Variants in CEP295NL observed in about 807,000 individuals in gnomAD.
CEP295NL encodes CEP295 N-terminal like, also known as protein DDC8 homolog.
In CEP295NL, 3 loss-of-function variants were observed where a neutral mutation model predicts 4.6. That is an observed-to-expected ratio of 0.65 (90% confidence interval 0.30 to 1.69). CEP295NL has a LOEUF of 1.69. CEP295NL is among the 40% of genes most tolerant of loss of function. CEP295NL has a pLI of 0.10. For missense variants in CEP295NL, 719 were observed against 769.0 expected (o/e 0.93, Z 0.77); for synonymous variants, 295 against 312.2 (o/e 0.94, Z 0.58).
Position 78,891,876 on chromosome 17 carries a change from T to C in CEP295NL, c.628A>G (p.Thr210Ala), listed in dbSNP as rs1425891496. 1 of 1,550,672 alleles carries C rather than the reference T, an allele frequency of 6.4e-7. No individual in the cohort carries two copies. ...SPEKPQTTKATGRMNSHLAPP... is the reference protein window; with the variant it reads ...SPEKPQTTKAAGRMNSHLAPP... ...GCCAGGTGAGAATTCATCCGACCCG[T>C]GGCTTTTGTAGTCTGTGGTTTCTCT... Residue 210 changes from threonine (T) to alanine (A), a missense_variant, in exon 3 of 3, where the codon ACG becomes GCG. Transcript: ENST00000322630. The surrounding 1 kb of genome is among the most constrained non-coding windows in gnomAD (Gnocchi z 4.5).
At chr17:78,902,541 A>T (rs1039871013) in intron 1 of CEP295NL, 1 of 152,468 alleles carries the variant, frequency 6.6e-6, no homozygotes, top group African/African-American at 2.4e-5. Context: ...ATCTGTGTGT[A>T]TCCATATCCT....
intron 2 of CEP295NL, chr17:78,897,082 G>T (rs1007752584): frequency 1.2e-6 from 1 of 816,642 alleles, no homozygotes; most frequent in Non-Finnish European, 1.5e-6. Context: ...AAGTGCCAGG[G>T]CCCACAGACA....
In CEP295NL at chr17:78,901,866, C is replaced by G; in HGVS notation, c.-38G>C. ...GAAGCTGACAGGAGGGCAGGAAGCA[C>G]TGTCTCCAGGGCTGTCTTGAAATCA... is the stretch of plus-strand genomic sequence containing the variant. On this transcript the variant is annotated 5_prime_UTR_variant, in exon 2 of 3. Transcript: ENST00000322630. The G allele has an allele frequency of 1.4e-6, 1 of 699,962 alleles. No homozygotes were observed. Among genetic ancestry groups the G allele is most frequent in the Non-Finnish European group, 2.7e-6 (1 of 374,904 alleles). 43.4% of individuals were successfully genotyped at this position (699,962 alleles called of 1,614,324 possible). A position where few individuals can be genotyped will look rare whatever the true frequency, so the allele number is the denominator to read the frequency against.
At chr17:78,893,258 CAGGGGTGTGTGTGT>C (rs1161162932) in intron 2 of CEP295NL, among the ~76,000 whole-genome samples, 2 of 109,730 alleles carry the variant, frequency 1.8e-5, no homozygotes, top group Non-Finnish European at 3.7e-5. Flanking sequence ...AGTGTGTGTG[CAGGGGTGTGTGTGT>C]AGGGGTGTGC....
Position 78,896,542 on chromosome 17 carries a change from C to A in CEP295NL, c.45-4083G>T, listed in dbSNP as rs2070002607. 6.6e-6 allele frequency among the ~76,000 whole-genome samples: 1 copy of A among 152,170 alleles called. No homozygotes were observed. Among genetic ancestry groups the A allele is most frequent in the Admixed American group, 6.5e-5 (1 of 15,280 alleles). ...TCTAGAAGGGGCAGGGGTCCTGGCG[C>A]TCCTCTGTCCTCCACATCCTCTGAG... On this transcript the variant is annotated intron_variant, in intron 2 of 2. Transcript: ENST00000322630. This position sits in a 1 kb window ranked among gnomAD's most constrained non-coding sequence, Gnocchi z 4.4.
At chr17:78,893,114 T>C (rs2069928567) in intron 2 of CEP295NL, among the ~76,000 whole-genome samples, 1 of 148,246 alleles carries the variant, frequency 6.7e-6, no homozygotes, top group Non-Finnish European at 1.5e-5. Flanking sequence ...TGTGTGCACA[T>C]GCACATGTGT....
chr17:78,901,458 A>G (rs60008520), intron 2 of CEP295NL, among the ~76,000 whole-genome samples: 7,093 of 152,114 alleles, frequency 0.047, 343 homozygotes, highest in African/African-American at 0.13. Context: ...GGCGGTAAGG[A>G]CGGGGAGAAG....
rs1011091870 is a variant in CEP295NL, at chr17:78,891,976, T to C, written c.528A>G (p.Glu176=). 6.4e-7 allele frequency: 1 copy of C among 1,550,552 alleles called. No homozygotes were observed. The highest frequency in any genetic ancestry group is 1.4e-5 in the African/African-American group (1 of 73,034). Residue 176 remains glutamate, a synonymous_variant, in exon 3 of 3, where the codon GAA becomes GAG. Transcript: ENST00000322630. This position sits in a 1 kb window ranked among gnomAD's most constrained non-coding sequence, Gnocchi z 4.5. ...AKEKHRAALS[E]ERSCREELGQ... ...CCAACTCTTCCCTGCAACTCCTCTCTTCACTAAGGGCTGCTCTATGCTTCT... is the reference window on the plus strand; with the variant it reads ...CCAACTCTTCCCTGCAACTCCTCTCCTCACTAAGGGCTGCTCTATGCTTCT...
intron 2 of CEP295NL, among the ~76,000 whole-genome samples, chr17:78,895,866 C>T (rs187349051): frequency 9.9e-4 from 151 of 152,252 alleles, no homozygotes; most frequent in African/African-American, 3.5e-3. Flanking sequence ...TGCCAAGAGC[C>T]GTTGGCTCAC....
intron 2 of CEP295NL, among the ~76,000 whole-genome samples, chr17:78,894,645 A>T (rs1341506708): frequency 6.6e-6 from 1 of 152,200 alleles, no homozygotes; most frequent in African/African-American, 2.4e-5. Context: ...CACCCTATAT[A>T]CAAAAATTAA....
chr17:78,895,714 G>C (rs1343015098), intron 2 of CEP295NL, among the ~76,000 whole-genome samples: 1 of 152,318 alleles, frequency 6.6e-6, no homozygotes, highest in South Asian at 2.1e-4. Context: ...TCACATGGAG[G>C]AGTTGGCCTC....
chr17:78,893,936 G>A (rs2069958754), intron 2 of CEP295NL, among the ~76,000 whole-genome samples: 1 of 152,162 alleles, frequency 6.6e-6, no homozygotes, highest in Non-Finnish European at 1.5e-5. Context: ...TGAGCTGCAG[G>A]AAAGGCTAAG....
chr17:78,902,360 G>A lies in CEP295NL; in HGVS notation c.-98-434C>T, dbSNP rs188479632. Among the ~76,000 whole-genome samples, 250 of 152,284 alleles carry A rather than the reference G, an allele frequency of 1.6e-3. 2 individuals are homozygous for A. The highest frequency in any genetic ancestry group is 5.7e-3 in the African/African-American group (237 of 41,568). ...TGACCTCAGGTGATCCACTCGCCTC[G>A]GCCTCCCAAAGTGCTGGGATTCCAG... On this transcript the variant is annotated intron_variant, in intron 1 of 2. Coordinates refer to ENST00000322630, the MANE Select transcript of CEP295NL (RefSeq NM_001243540.2).
chr17:78,902,100 G>A (rs4789935), intron 1 of CEP295NL, among the ~76,000 whole-genome samples, 174 bp from the exon 2 acceptor site: 73,166 of 151,718 alleles, frequency 0.48, 18,383 homozygotes, highest in African/African-American at 0.63. Context: ...GTGGCGGGGG[G>A]ACGGGGGTCC....
In CEP295NL at chr17:78,896,676, C is replaced by G. The variant is rs1028234248; in HGVS notation, c.45-4217G>C. On this transcript the variant is annotated intron_variant, in intron 2 of 2. Coordinates refer to ENST00000322630, the MANE Select transcript of CEP295NL (RefSeq NM_001243540.2). This position sits in a 1 kb window ranked among gnomAD's most constrained non-coding sequence, Gnocchi z 4.4. ...CTTCTGCTGGCTGCCTTCAACCACT[C>G]AGAGAAACCACAGCTCCCCCCTCCG... 1.3e-5 allele frequency among the ~76,000 whole-genome samples: 2 copies of G among 152,156 alleles called. No homozygotes were observed. Among genetic ancestry groups the G allele is most frequent in the African/African-American group, 4.8e-5 (2 of 41,434 alleles).
At chr17:78,902,126 G>A (rs900789558) in intron 1 of CEP295NL, among the ~76,000 whole-genome samples, 200 bp from the exon 2 acceptor site, 1 of 152,176 alleles carries the variant, frequency 6.6e-6, no homozygotes, top group Non-Finnish European at 1.5e-5. Flanking sequence ...CACTGCACTG[G>A]GTTTTGGTTT....
Position 78,891,879 on chromosome 17 carries a change from C to T in CEP295NL, c.625G>A (p.Ala209Thr), listed in dbSNP as rs180840662. ...AGGTGAGAATTCATCCGACCCGTGG[C>T]TTTTGTAGTCTGTGGTTTCTCTGGA... ...ASPEKPQTTK[A>T]TGRMNSHLAP... The change falls in exon 3 of 3, where the codon GCC becomes ACC. Residue 209 changes from alanine (A) to threonine (T), a missense_variant. By Grantham distance (58) the Ala-to-Thr change is moderately conservative. Transcript: ENST00000322630. The surrounding 1 kb of genome is among the most constrained non-coding windows in gnomAD (Gnocchi z 4.5). The T allele has an allele frequency of 1.9e-5, 29 of 1,550,646 alleles. No homozygotes were observed. The highest frequency in any genetic ancestry group is 1.2e-4 in the Admixed American group (6 of 51,004).
At chr17:78,897,019 G>C (rs2070012146) in intron 2 of CEP295NL, 4 of 985,226 alleles carry the variant, frequency 4.1e-6, no homozygotes, top group Non-Finnish European at 4.8e-6. Context: ...CGCTCAGACA[G>C]CTTTTCAGCC....
chr17:78,891,199 A>T lies in CEP295NL; in HGVS notation c.1305T>A (p.Tyr435Ter). 6.4e-7 allele frequency: 1 copy of T among 1,550,514 alleles called. No homozygotes were observed. The highest frequency in any genetic ancestry group is 1.2e-5 in the South Asian group (1 of 84,048). The change falls in exon 3 of 3, where the codon TAT (tyrosine) becomes TAA (stop). Residue 435 changes from tyrosine to a stop codon, truncating the protein, a stop_gained. Transcript: ENST00000322630. LOFTEE classifies it low-confidence loss of function (END_TRUNC). This position sits in a 1 kb window ranked among gnomAD's most constrained non-coding sequence, Gnocchi z 4.5. ...TFMGKAQNQK[Y>*]QGTVKPTFRN... is the part of the protein sequence containing the mutation. ...TAAACGTGGGCTTGACCGTGCCCTG[A>T]TATTTTTGGTTCTGGGCCTTGCCCA...
Sources: allele counts gnomAD v4.1 joint callset (sites outside exome capture counted in the v4.1 genomes callset), GRCh38; gene constraint gnomAD v4.1.1; non-coding constraint Gnocchi (gnomAD v3.1); transcripts MANE v1.5; gene names NCBI Gene and HGNC (gene_info 2026-07-23, HGNC 2026-07-21).